LGALS3BP: variants seen among roughly 807,000 people sequenced by gnomAD.
The protein encoded by LGALS3BP is galectin-3-binding protein.
A neutral mutation model predicts 22.9 loss-of-function variants in LGALS3BP; 25 were observed. That is an observed-to-expected ratio of 1.09 (90% CI 0.80 to 1.53). The LOEUF is 1.53. Ranked by LOEUF, LGALS3BP falls within the 40% of genes most tolerant of loss-of-function variation. The probability of loss-of-function intolerance (pLI) is 0.00; values close to 1 mark genes in which losing one functional copy is unlikely to be tolerated. For missense variants in LGALS3BP, 718 were observed against 752.0 expected, an observed-to-expected ratio of 0.95 and a Z score of 0.53; for synonymous variants, 335 against 331.1, an observed-to-expected ratio of 1.01 and a Z score of -0.13.
In LGALS3BP at chr17:78,971,787, A is replaced by G; in HGVS notation, c.1547T>C (p.Ile516Thr). 1 of 1,614,108 alleles carries G rather than the reference A, an allele frequency of 6.2e-7. No homozygotes were observed. Among genetic ancestry groups the G allele is most frequent in the African/African-American group, 1.3e-5 (1 of 75,050 alleles). The change falls in exon 6 of 6, where the codon ATT (isoleucine) becomes ACT (threonine). Residue 516 changes from isoleucine (I) to threonine (T), a missense_variant. Transcript: ENST00000262776. This position sits in a 1 kb window ranked among gnomAD's most constrained non-coding sequence, Gnocchi z 5.6. ...CATCAGGGCTTTGTTTTCGTAGGCA[A>G]TGGTGCGATCTGAGCCGCCAGACTT... ...LTKSGGSDRTIAYENKALMLC... is the reference protein window; with the variant it reads ...LTKSGGSDRTTAYENKALMLC...
At position 78,973,430 on chromosome 17, in the gene LGALS3BP, C is replaced by G; in HGVS notation, c.377-208G>C. 1.7e-6 allele frequency: 1 copy of G among 603,602 alleles called. No homozygotes were observed. The highest frequency in any genetic ancestry group is 2.4e-5 in the South Asian group (1 of 41,390). 37.4% of individuals were successfully genotyped at this position (603,602 alleles called of 1,614,324 possible). The stretch of plus-strand genomic sequence containing the variant: ...CCCTTCCAGCCCTGGGGAACAAGAG[C>G]AGCTAGGACCTGGCCAAGCCTGTCC... On this transcript the variant is annotated intron_variant, in intron 4 of 5. Transcript: ENST00000262776. The surrounding 1 kb of genome is among the most constrained non-coding windows in gnomAD (Gnocchi z 5.8).
Position 78,972,258 on chromosome 17 carries a change from A to G in LGALS3BP, c.1076T>C (p.Leu359Pro), listed in dbSNP as rs771677674. 4.3e-6 allele frequency: 7 copies of G among 1,613,690 alleles called. No homozygotes were observed. The East Asian group carries it at 6.7e-5, about 15-fold the overall frequency. Residue 359 changes from leucine to proline, a missense_variant, in exon 6 of 6, where the codon CTG (leucine) becomes CCG (proline). Leu to Pro is a moderately conservative substitution (Grantham distance 98). Transcript: ENST00000262776. The surrounding 1 kb of genome is among the most constrained non-coding windows in gnomAD (Gnocchi z 5.1). ...PMMLPEELFE[L>P]QFNLSLYWSH... The stretch of plus-strand genomic sequence containing the variant: ...CCAGTACAGGGACAGGTTGAACTGC[A>G]GCTCAAAGAGCTCCTCAGGGAGCAT...
At chr17:78,975,926 T>C in intron 3 of LGALS3BP, 39 bp downstream of exon 3, 4 of 1,494,902 alleles carry the variant, frequency 2.7e-6, no homozygotes, top group Non-Finnish European at 1.8e-6. Flanking sequence ...GGCTGTGCTG[T>C]GGGTCTCAGC....
rs2070704394 is a variant in LGALS3BP at position 78,974,768 on chromosome 17, G to A, written c.296C>T (p.Ser99Leu). Residue 99 changes from serine to leucine, a missense_variant, in exon 4 of 6, where the codon TCA (serine) becomes TTA (leucine). Transcript: ENST00000262776. ...GCCCAGGGACTTGCAGTCGGCCAGT[G>A]AGGCCTCGGTTCCCGTGCACTGGAC... Reference protein sequence around the residue: ...DEVQCTGTEASLADCKSLGWL... With the variant: ...DEVQCTGTEALLADCKSLGWL... 1 of 1,613,868 alleles carries A rather than the reference G, an allele frequency of 6.2e-7. No individual in the cohort carries two copies. Among genetic ancestry groups the A allele is most frequent in the Non-Finnish European group, 8.5e-7 (1 of 1,180,004 alleles).
At chr17:78,974,954 G>T in intron 3 of LGALS3BP, 135 bp from the exon 4 acceptor site, 1 of 1,132,946 alleles carries the variant, frequency 8.8e-7, no homozygotes, top group Non-Finnish European at 1.2e-6. Context: ...AGCGAACCAC[G>T]GAGGATATTC....
rs2145824505 is a variant in LGALS3BP, at chr17:78,975,947, G to A, written c.244+18C>T. 1.3e-6 allele frequency: 2 copies of A among 1,580,920 alleles called. No homozygotes were observed. The highest frequency in any genetic ancestry group is 1.3e-5 in the African/African-American group (1 of 74,450). On this transcript the variant is annotated intron_variant, in intron 3 of 5. Transcript: ENST00000262776. ...GCTGTGGGTCTCAGCCTCAGTGGAA[G>A]GGGACAGCAGGCCCTACCTTGCCCG...
Position 78,974,767 on chromosome 17 carries a change from T to A in LGALS3BP, c.297A>T (p.Ser99=). 1.2e-6 allele frequency: 2 copies of A among 1,613,830 alleles called. No individual in the cohort carries two copies. Among genetic ancestry groups the A allele is most frequent in the South Asian group, 1.1e-5 (1 of 91,076 alleles). The change falls in exon 4 of 6, where the codon TCA becomes TCT. Residue 99 remains serine (S), a synonymous_variant. Coordinates refer to ENST00000262776, the MANE Select transcript of LGALS3BP (RefSeq NM_005567.4). ...AGCCCAGGGACTTGCAGTCGGCCAG[T>A]GAGGCCTCGGTTCCCGTGCACTGGA... ...DEVQCTGTEA[S]LADCKSLGWL...
intron 3 of LGALS3BP, among the ~76,000 whole-genome samples, chr17:78,975,697 C>T (rs2070713375): frequency 7.1e-6 from 1 of 140,088 alleles, no homozygotes; most frequent in Non-Finnish European, 1.5e-5. Flanking sequence ...AAGGCTGAGA[C>T]AGGAGAATCA....
In LGALS3BP at chr17:78,973,116, C is replaced by CA. The variant is rs1486818231; in HGVS notation, c.482dup (p.Gln162AlafsTer39). ...AGAAGCCCAGGGCGTCCTCGCCCTGCACATTCACGCTGATGGACAGGTCGC... is the reference window on the plus strand; with the variant it reads ...AGAAGCCCAGGGCGTCCTCGCCCTGCAACATTCACGCTGATGGACAGGTCGC... On this transcript the variant is annotated frameshift_variant, in exon 5 of 6. Transcript: ENST00000262776. LOFTEE classifies it high-confidence loss of function. This position sits in a 1 kb window ranked among gnomAD's most constrained non-coding sequence, Gnocchi z 5.8. 6.2e-7 allele frequency: 1 copy of CA among 1,613,348 alleles called. No homozygotes were observed. The highest frequency in any genetic ancestry group is 1.7e-5 in the Admixed American group (1 of 59,982).
intron 4 of LGALS3BP, among the ~76,000 whole-genome samples, chr17:78,974,095 C>T (rs537207802): frequency 1.3e-5 from 2 of 152,374 alleles, no homozygotes; most frequent in Non-Finnish European, 1.5e-5. Context: ...CCCTGGGATT[C>T]GACCCGTCCT....
At position 78,971,602 on chromosome 17, in the gene LGALS3BP, G is replaced by A. The variant is rs1210795425; in HGVS notation, c.1732C>T (p.Leu578=). ...GFRTVIRPFY[L]TNSSGVD ...TAGTCCACACCTGAGGAGTTGGTCA[G>A]GTAGAAGGGGCGGATGACCGTGCGG... Residue 578 remains leucine, a synonymous_variant, in exon 6 of 6, where the codon CTG becomes TTG. Transcript: ENST00000262776. The surrounding 1 kb of genome is among the most constrained non-coding windows in gnomAD (Gnocchi z 5.6). 1 of 1,613,590 alleles carries A rather than the reference G, an allele frequency of 6.2e-7. No individual in the cohort carries two copies. The highest frequency in any genetic ancestry group is 8.5e-7 in the Non-Finnish European group (1 of 1,179,998).
intron 3 of LGALS3BP, 83 bp downstream of exon 3, chr17:78,975,882 T>C: frequency 1.1e-6 from 1 of 919,136 alleles, no homozygotes; most frequent in Non-Finnish European, 1.6e-6. Context: ...AACCTGACTG[T>C]TTCGTCTTAG....
At chr17:78,977,090 A>C (rs1254397865) in intron 2 of LGALS3BP, 50 bp downstream of exon 2, 2 of 1,598,766 alleles carry the variant, frequency 1.3e-6, no homozygotes, top group African/African-American at 2.7e-5. Context: ...CCCAGGGTGC[A>C]CCAGCCTTCC....
Position 78,971,567 on chromosome 17 carries a change from C to T in LGALS3BP, c.*9G>A. On this transcript the variant is annotated 3_prime_UTR_variant, in exon 6 of 6. Coordinates refer to ENST00000262776, the MANE Select transcript of LGALS3BP (RefSeq NM_005567.4). This position sits in a 1 kb window ranked among gnomAD's most constrained non-coding sequence, Gnocchi z 5.6. ...TTCTCCGGTTCTCACCACCCTTGGGCCACGCCGTCTAGTCCACACCTGAGG... is the reference window on the plus strand; with the variant it reads ...TTCTCCGGTTCTCACCACCCTTGGGTCACGCCGTCTAGTCCACACCTGAGG... 1 of 1,607,200 alleles carries T rather than the reference C, an allele frequency of 6.2e-7. No individual in the cohort carries two copies. Among genetic ancestry groups the T allele is most frequent in the South Asian group, 1.1e-5 (1 of 90,676 alleles).
At chr17:78,974,941 A>G (rs888181838) in intron 3 of LGALS3BP, 122 bp from the exon 4 acceptor site, 2 of 1,238,368 alleles carry the variant, frequency 1.6e-6, no homozygotes, top group African/African-American at 1.5e-5. Context: ...CAGGTCCTTC[A>G]CCAGCGAACC....
Position 78,972,810 on chromosome 17 carries a change from G to T in LGALS3BP, c.630-106C>A. ...CTGAGTGCACACAGTGTGGGAGTGAGCATGCGTGTGTGTGCAACTGCGTGA... is the reference window on the plus strand; with the variant it reads ...CTGAGTGCACACAGTGTGGGAGTGATCATGCGTGTGTGTGCAACTGCGTGA... On this transcript the variant is annotated intron_variant, in intron 5 of 5. Coordinates refer to ENST00000262776, the MANE Select transcript of LGALS3BP (RefSeq NM_005567.4). This position sits in a 1 kb window ranked among gnomAD's most constrained non-coding sequence, Gnocchi z 5.1. 1.4e-6 allele frequency: 2 copies of T among 1,441,850 alleles called. No individual in the cohort carries two copies. Among genetic ancestry groups the T allele is most frequent in the Non-Finnish European group, 1.9e-6 (2 of 1,074,636 alleles). 89.3% of individuals were successfully genotyped at this position (1,441,850 alleles called of 1,614,324 possible). A position where few individuals can be genotyped will look rare whatever the true frequency, so the allele number is the denominator to read the frequency against.
intron 3 of LGALS3BP, 88 bp from the exon 4 acceptor site, chr17:78,974,907 C>A: frequency 2.0e-6 from 3 of 1,530,604 alleles, no homozygotes; most frequent in East Asian, 2.3e-5. Flanking sequence ...TTCTCCGCCC[C>A]GGCCGTGTGG....
At position 78,971,837 on chromosome 17, in the gene LGALS3BP, G is replaced by A. The variant is rs768705867; in HGVS notation, c.1497C>T (p.Asp499=). 1.8e-5 allele frequency: 29 copies of A among 1,614,122 alleles called. No homozygotes were observed. Among genetic ancestry groups the A allele is most frequent in the Non-Finnish European group, 2.1e-5 (25 of 1,180,024 alleles). The change falls in exon 6 of 6, where the codon GAC becomes GAT. Residue 499 remains aspartate, a synonymous_variant. Coordinates refer to ENST00000262776, the MANE Select transcript of LGALS3BP (RefSeq NM_005567.4). The surrounding 1 kb of genome is among the most constrained non-coding windows in gnomAD (Gnocchi z 5.6). The part of the protein sequence containing the change: ...CWNYGFSCSS[D]ELPVLGLTKS... ...TGGTGAGGCCCAGGACAGGGAGCTC[G>A]TCCGAGGAGCAGGAGAAGCCGTAGT...
At chr17:78,979,190 G>A (rs1470112866) in intron 1 of LGALS3BP, among the ~76,000 whole-genome samples, 5 of 152,336 alleles carry the variant, frequency 3.3e-5, no homozygotes, top group South Asian at 4.1e-4. Context: ...TGGCCCCTTC[G>A]TGCAAATCAG....
Sources: gnomAD v4.1 joint callset for allele counts (sites outside exome capture counted in the v4.1 genomes callset) on GRCh38, gnomAD v4.1.1 for gene constraint, Gnocchi (gnomAD v3.1) non-coding constraint, MANE v1.5 for transcripts, NCBI Gene and HGNC (gene_info 2026-07-23, HGNC 2026-07-21) for gene names.